Variants in CNOT4 observed in about 807,000 individuals in gnomAD.
CNOT4 encodes the protein CCR4-associated factor 4.
In CNOT4, 8 loss-of-function variants were observed where a neutral mutation model predicts 73.8. The observed-to-expected ratio is 0.11, with a 90% confidence interval of 0.06 to 0.20. The LOEUF is 0.20. Among genes scored for constraint, CNOT4 ranks in the 10% least tolerant of loss-of-function variants. The pLI, the probability that CNOT4 is intolerant of heterozygous loss-of-function variation, is 1.00. For missense variants in CNOT4, 564 were observed against 883.4 expected (o/e 0.64, Z 4.58); for synonymous variants, 293 against 321.1 (o/e 0.91, Z 0.94).
At chr7:135,479,567 T>C (rs995143297) in intron 1 of CNOT4, among the ~76,000 whole-genome samples, 1 of 151,858 alleles carries the variant, frequency 6.6e-6, no homozygotes, top group African/African-American at 2.4e-5. Context: ...TTATTATTTA[T>C]AATTTGTATT....
rs747415149 is a variant in CNOT4 at position 135,364,083 on chromosome 7, CA to C, written c.1628-18del. 2.0e-6 allele frequency: 3 copies of C among 1,490,576 alleles called. No homozygotes were observed. Among genetic ancestry groups the C allele is most frequent in the Non-Finnish European group, 2.7e-6 (3 of 1,110,964 alleles). The allele number at this position is 1,490,576 out of a possible 1,614,324, so 92.3% of individuals were successfully genotyped here. A position where few individuals can be genotyped will look rare whatever the true frequency, so the allele number is the denominator to read the frequency against. ...TGCTGTTGTCTGGGAGATTTACCAA[CA>C]AAAAAATGAAAGATAAAAAAAAATA... On this transcript the variant is annotated intron_variant, in intron 10 of 11. Transcript: ENST00000541284. The surrounding 1 kb of genome is among the most constrained non-coding windows in gnomAD (Gnocchi z 4.3).
At chr7:135,461,862 T>C (rs965592778) in intron 1 of CNOT4, among the ~76,000 whole-genome samples, 30 of 151,998 alleles carry the variant, frequency 2.0e-4, no homozygotes, top group African/African-American at 7.0e-4. Context: ...AAAAAGGAAA[T>C]AAGCAGAGCA....
intron 4 of CNOT4, 107 bp from the exon 5 acceptor site, chr7:135,414,539 A>G: frequency 1.7e-6 from 1 of 600,962 alleles, no homozygotes; most frequent in Non-Finnish European, 3.0e-6. Flanking sequence ...TACTACTATT[A>G]CTAATGACAA....
At chr7:135,420,662 G>GAGTATAT (rs1382567082) in intron 3 of CNOT4, among the ~76,000 whole-genome samples, 1 of 151,430 alleles carries the variant, frequency 6.6e-6, no homozygotes, top group East Asian at 1.9e-4. Flanking sequence ...TTGGTTAGAG[G>GAGTATAT]AGTATATAGA....
At chr7:135,370,645 A>G (rs1324055270) in intron 10 of CNOT4, among the ~76,000 whole-genome samples, 1 of 152,240 alleles carries the variant, frequency 6.6e-6, no homozygotes, top group Non-Finnish European at 1.5e-5. Context: ...TCAGTGTCTT[A>G]GAAATGTTAC....
chr7:135,380,652 A>G (rs1795792764), intron 10 of CNOT4, among the ~76,000 whole-genome samples: 1 of 152,218 alleles, frequency 6.6e-6, no homozygotes, highest in Non-Finnish European at 1.5e-5. Context: ...GTAAGACACA[A>G]TAATGTTTAG....
At chr7:135,480,888 CAAA>C (rs202103531) in intron 1 of CNOT4, among the ~76,000 whole-genome samples, 12 of 75,794 alleles carry the variant, frequency 1.6e-4, no homozygotes, top group African/African-American at 5.3e-4. Context: ...TATCTATATG[CAAA>C]AAAAAAAAAA....
At position 135,362,797 on chromosome 7, in the gene CNOT4, G is replaced by A; in HGVS notation, c.*88C>T. On this transcript the variant is annotated 3_prime_UTR_variant, in exon 12 of 12. Coordinates refer to ENST00000541284, the MANE Select transcript of CNOT4 (RefSeq NM_001190850.2). ...GTACTGGATTCTTCAGAACATAAGA[G>A]ATGAGAAGGGAGCTGTGGGTGGTGG... The A allele has an allele frequency of 8.3e-7, 1 of 1,205,092 alleles. No homozygotes were observed. The highest frequency in any genetic ancestry group is 1.2e-6 in the Non-Finnish European group (1 of 807,978). The allele number at this position is 1,205,092 out of a possible 1,614,324, so 74.6% of individuals were successfully genotyped here. A position where few individuals can be genotyped will look rare whatever the true frequency, so the allele number is the denominator to read the frequency against.
intron 1 of CNOT4, among the ~76,000 whole-genome samples, chr7:135,462,788 C>T (rs943662612): frequency 2.6e-5 from 4 of 152,086 alleles, no homozygotes; most frequent in Admixed American, 6.6e-5. Flanking sequence ...ACCTGAGCTT[C>T]GGTCAGTAAA....
chr7:135,509,745 G>A, intron 1 of CNOT4, 144 bp downstream of exon 1: 1 of 306,966 alleles, frequency 3.3e-6, no homozygotes, highest in Non-Finnish European at 5.9e-6. Context: ...GGAGGAGGAA[G>A]AAGACCAAGG....
intron 1 of CNOT4, among the ~76,000 whole-genome samples, chr7:135,492,830 A>C (rs961914007): frequency 3.3e-5 from 5 of 152,154 alleles, no homozygotes; most frequent in African/African-American, 1.2e-4. Context: ...TGGGCTAGAG[A>C]GTAAGATCAT....
At chr7:135,444,318 T>TG (rs1799683454) in intron 1 of CNOT4, 1 of 604,194 alleles carries the variant, frequency 1.7e-6, no homozygotes, top group Non-Finnish European at 3.0e-6. Flanking sequence ...TGTGCACCAG[T>TG]GTTCCTAACA....
intron 1 of CNOT4, among the ~76,000 whole-genome samples, chr7:135,508,246 C>A (rs1455606546): frequency 6.6e-6 from 1 of 152,194 alleles, no homozygotes; most frequent in Non-Finnish European, 1.5e-5. Flanking sequence ...TCTGGTAATT[C>A]TTTATCTCAC....
intron 1 of CNOT4, among the ~76,000 whole-genome samples, chr7:135,500,102 A>G (rs918662275): frequency 2.6e-5 from 4 of 152,214 alleles, no homozygotes; most frequent in Admixed American, 2.6e-4. Context: ...TAAAAGGTTC[A>G]TGGCATTATG....
intron 7 of CNOT4, among the ~76,000 whole-genome samples, chr7:135,404,883 C>G (rs2129483824): frequency 6.6e-6 from 1 of 152,316 alleles, no homozygotes; most frequent in East Asian, 1.9e-4. Flanking sequence ...TTGGAATTTA[C>G]AATCCATCCA....
rs866295904 is a variant in CNOT4, at chr7:135,420,570, A to C, written c.372+1586T>G. Among the ~76,000 whole-genome samples, 37 of 125,420 alleles carry C rather than the reference A, an allele frequency of 3.0e-4. No homozygotes were observed. In the South Asian group the frequency reaches 9.0e-3, roughly 31 times the overall value. The allele number at this position is 125,420 out of a possible 152,430, so 82.3% of individuals were successfully genotyped here. ...CCAGTCTGGGTGACAAAGTGAGACC[A>C]TGTCTCCAAAAAAAAAAAAAAAAAA... is the stretch of plus-strand genomic sequence containing the variant. On this transcript the variant is annotated intron_variant, in intron 3 of 11. Coordinates refer to ENST00000541284, the MANE Select transcript of CNOT4 (RefSeq NM_001190850.2).
At chr7:135,380,774 T>C (rs1328179279) in intron 10 of CNOT4, among the ~76,000 whole-genome samples, 1 of 152,254 alleles carries the variant, frequency 6.6e-6, no homozygotes, top group Non-Finnish European at 1.5e-5. Context: ...AGAATGTGAC[T>C]ATAGACAAAT....
At chr7:135,454,808 T>C (rs912587463) in intron 1 of CNOT4, among the ~76,000 whole-genome samples, 1 of 152,000 alleles carries the variant, frequency 6.6e-6, no homozygotes, top group African/African-American at 2.4e-5. Context: ...CACTTGAGCC[T>C]GGGAAGAGGA....
chr7:135,387,223 C>T (rs868494180), intron 10 of CNOT4: 28 of 984,748 alleles, frequency 2.8e-5, no homozygotes, highest in Middle Eastern at 1.0e-3. Flanking sequence ...GTCTTAAAGT[C>T]ACTTCTAGAT....
Sources: allele counts gnomAD v4.1 joint callset (sites outside exome capture counted in the v4.1 genomes callset), GRCh38; gene constraint gnomAD v4.1.1; non-coding constraint Gnocchi (gnomAD v3.1); transcripts MANE v1.5; gene names NCBI Gene and HGNC (gene_info 2026-07-23, HGNC 2026-07-21).